SSBP2: variants seen among roughly 807,000 people sequenced by gnomAD.
The protein encoded by SSBP2 is single stranded DNA binding protein 2, also known as single-stranded DNA-binding protein 2.
A neutral mutation model predicts 61.8 loss-of-function variants in SSBP2; 17 were observed. The ratio of observed to expected loss-of-function variants is 0.28; its 90% CI spans 0.19 to 0.41. The LOEUF is 0.41. Among genes scored for constraint, SSBP2 ranks in the 10% least tolerant of loss-of-function variants. The pLI is 1.00. For missense variants in SSBP2, 310 were observed against 458.7 expected (o/e 0.68, Z 2.96); for synonymous variants, 139 against 141.3 (o/e 0.98, Z 0.12).
chr5:81,528,611 C>G (rs575554831), intron 4 of SSBP2, among the ~76,000 whole-genome samples: 1 of 151,958 alleles, frequency 6.6e-6, no homozygotes, highest in African/African-American at 2.4e-5. Context: ...TCACATATAT[C>G]CATTAAGTTA....
At chr5:81,454,322 A>G (rs1763982563) in intron 10 of SSBP2, among the ~76,000 whole-genome samples, 10 of 152,214 alleles carry the variant, frequency 6.6e-5, no homozygotes, top group Admixed American at 6.5e-4. Flanking sequence ...AGGGACATAG[A>G]CTAAAGACTC....
At chr5:81,618,445 T>G (rs1746272938) in intron 3 of SSBP2, among the ~76,000 whole-genome samples, 1 of 36,670 alleles carries the variant, frequency 2.7e-5, no homozygotes, top group Non-Finnish European at 5.4e-5. Context: ...GCACCCAGAT[T>G]CATAAAGCAA....
intron 16 of SSBP2, among the ~76,000 whole-genome samples, chr5:81,421,308 T>C (rs1761593530): frequency 6.6e-6 from 1 of 152,172 alleles, no homozygotes; most frequent in African/African-American, 2.4e-5. Flanking sequence ...TCCCACCACC[T>C]CAGCCTCCCC....
rs10064511 is a variant in SSBP2 at position 81,466,440 on chromosome 5, G to A, written c.638+534C>T. Among the ~76,000 whole-genome samples, 6 of 151,842 alleles carry A rather than the reference G, an allele frequency of 4.0e-5. No individual in the cohort carries two copies. In the East Asian group the frequency reaches 1.2e-3, roughly 29 times the overall value. ...ACGCTACGGAAAGTTCTTTGATAGAGATTATAGTATACTACCAGAGAGAAT... is the reference window on the plus strand; with the variant it reads ...ACGCTACGGAAAGTTCTTTGATAGAAATTATAGTATACTACCAGAGAGAAT... On this transcript the variant is annotated intron_variant, in intron 9 of 16. Transcript: ENST00000320672.
intron 10 of SSBP2, among the ~76,000 whole-genome samples, chr5:81,457,294 A>G (rs1431736368): frequency 6.6e-6 from 1 of 152,174 alleles, no homozygotes. Flanking sequence ...TCATGAATAC[A>G]TCGTATATAC....
chr5:81,664,009 A>G (rs1318415838), intron 1 of SSBP2, among the ~76,000 whole-genome samples: 1 of 152,238 alleles, frequency 6.6e-6, no homozygotes, highest in Non-Finnish European at 1.5e-5. Flanking sequence ...CAGTAAAATA[A>G]CAGCTTCCAA....
chr5:81,610,233 C>T (rs1218154972), intron 4 of SSBP2, among the ~76,000 whole-genome samples: 1 of 152,110 alleles, frequency 6.6e-6, no homozygotes, highest in African/African-American at 2.4e-5. Context: ...GCCAGAGGTC[C>T]CCAGCTTGCA....
rs561798977 is a variant in SSBP2, at chr5:81,615,336, T to C, written c.282+137A>G. On this transcript the variant is annotated intron_variant, in intron 4 of 16. Coordinates refer to ENST00000320672, the MANE Select transcript of SSBP2 (RefSeq NM_012446.5). ...TATTTCACATTTAAAGTTATGAACC[T>C]ACTTTTCAAGAAAAAAGAGACCAAA... 159 of 699,972 alleles carry C rather than the reference T, an allele frequency of 2.3e-4. No homozygotes were observed. In the African/African-American group the frequency reaches 2.7e-3, roughly 12 times the overall value. 43.4% of individuals were successfully genotyped at this position (699,972 alleles called of 1,614,324 possible). A position where few individuals can be genotyped will look rare whatever the true frequency, so the allele number is the denominator to read the frequency against.
At chr5:81,489,146 G>T in intron 6 of SSBP2, 104 bp downstream of exon 6, 1 of 1,042,706 alleles carries the variant, frequency 9.6e-7, no homozygotes, top group Non-Finnish European at 1.4e-6. Context: ...CATTAAATGG[G>T]ACAGAAAAAG....
At position 81,639,687 on chromosome 5, in the gene SSBP2, T is replaced by C. The variant is rs528484889; in HGVS notation, c.136-3069A>G. Among the ~76,000 whole-genome samples the C allele has an allele frequency of 1.7e-4, 26 of 152,112 alleles. No homozygotes were observed. The East Asian group carries it at 5.0e-3, about 29-fold the overall frequency. ...TTTTTTTAGCTTAAATCATAAAAAT[T>C]ATGTAACAATACCCCAATCAGTAAA... is the stretch of plus-strand genomic sequence containing the variant. On this transcript the variant is annotated intron_variant, in intron 2 of 16. Coordinates refer to ENST00000320672, the MANE Select transcript of SSBP2 (RefSeq NM_012446.5).
In SSBP2 at chr5:81,420,218, C is replaced by A; in HGVS notation, c.*286G>T. On this transcript the variant is annotated 3_prime_UTR_variant, in exon 17 of 17. Coordinates refer to ENST00000320672, the MANE Select transcript of SSBP2 (RefSeq NM_012446.5). ...TATGTATGTGTATATGTCTGTATAACATACACATATACAGTACATTCTCTT... is the reference window on the plus strand; with the variant it reads ...TATGTATGTGTATATGTCTGTATAAAATACACATATACAGTACATTCTCTT... The A allele has an allele frequency of 2.5e-6, 1 of 394,160 alleles. No homozygotes were observed. The highest frequency in any genetic ancestry group is 4.5e-6 in the Non-Finnish European group (1 of 219,978). The allele number at this position is 394,160 out of a possible 1,614,324, so 24.4% of individuals were successfully genotyped here.
In SSBP2 at chr5:81,419,649, C is replaced by T. The variant is rs1182030640; in HGVS notation, c.*855G>A. On this transcript the variant is annotated 3_prime_UTR_variant, in exon 17 of 17. Coordinates refer to ENST00000320672, the MANE Select transcript of SSBP2 (RefSeq NM_012446.5). ...TATGACAACCCCGGTCACTTTATTG[C>T]TATGGTCTAAATGATTTGGGCTATT... 5.3e-5 allele frequency: 8 copies of T among 152,114 alleles called. No individual in the cohort carries two copies. The highest frequency in any genetic ancestry group is 1.9e-4 in the African/African-American group (8 of 41,400). 9.4% of individuals were successfully genotyped at this position (152,114 alleles called of 1,614,324 possible).
intron 12 of SSBP2, among the ~76,000 whole-genome samples, chr5:81,444,869 T>A (rs1763271787): frequency 6.6e-6 from 1 of 151,768 alleles, no homozygotes; most frequent in Admixed American, 6.6e-5. Context: ...ACACCTGTAA[T>A]CCCAGCACTT....
chr5:81,452,157 G>A (rs1314789980), intron 10 of SSBP2, among the ~76,000 whole-genome samples: 1 of 152,216 alleles, frequency 6.6e-6, no homozygotes, highest in Non-Finnish European at 1.5e-5. Context: ...AGCTGCTATA[G>A]TGTGGGGCTT....
In SSBP2 at chr5:81,553,681, G is replaced by A. The variant is rs145165250; in HGVS notation, c.283-39964C>T. On this transcript the variant is annotated intron_variant, in intron 4 of 16. Transcript: ENST00000320672. ...TATATAAATAAAATATCATCATCAG[G>A]GCAGCAGGAAATAGAGGCAGCAGGG... is the stretch of plus-strand genomic sequence containing the variant. 3.0e-3 allele frequency among the ~76,000 whole-genome samples: 463 copies of A among 152,032 alleles called. 2 individuals carry two copies. Among genetic ancestry groups the A allele is most frequent in the African/African-American group, 0.011 (444 of 41,474 alleles).
chr5:81,668,248 T>TAAAA (rs11332987), intron 1 of SSBP2, among the ~76,000 whole-genome samples: 31 of 94,896 alleles, frequency 3.3e-4, no homozygotes, highest in African/African-American at 1.0e-3. Flanking sequence ...TATGGAAGTT[T>TAAAA]AAAAAAAAAA....
At chr5:81,715,532 C>T (rs1302520420) in intron 1 of SSBP2, among the ~76,000 whole-genome samples, 1 of 151,980 alleles carries the variant, frequency 6.6e-6, no homozygotes, top group South Asian at 2.1e-4. Flanking sequence ...TGGGGATAAA[C>T]CAATGATATG....
chr5:81,544,141 C>T (rs569231988), intron 4 of SSBP2, among the ~76,000 whole-genome samples: 1 of 152,246 alleles, frequency 6.6e-6, no homozygotes, highest in African/African-American at 2.4e-5. Context: ...GCTCCGCCTC[C>T]CGGGTTCACG....
chr5:81,502,705 C>A (rs1387981371), intron 5 of SSBP2, among the ~76,000 whole-genome samples: 2 of 152,190 alleles, frequency 1.3e-5, no homozygotes, highest in African/African-American at 4.8e-5. Flanking sequence ...CAACTCCATT[C>A]TTCCAGCTGC....
Sources: allele counts gnomAD v4.1 joint callset (sites outside exome capture counted in the v4.1 genomes callset), GRCh38; gene constraint gnomAD v4.1.1; transcripts MANE v1.5; gene names NCBI Gene and HGNC (gene_info 2026-07-23, HGNC 2026-07-21).